NCAM2: variants seen among roughly 807,000 people sequenced by gnomAD.
The protein encoded by NCAM2 is N-CAM-2.
Under a neutral mutation model 98.1 loss-of-function variants are expected in NCAM2, and 30 were observed. The observed-to-expected ratio is 0.31, with a 90% confidence interval of 0.23 to 0.41. The LOEUF (loss-of-function observed/expected upper bound fraction) is 0.41, where lower values mean the gene tolerates loss of function less well. NCAM2 is among the 10% of genes least tolerant of loss of function. NCAM2 has a pLI of 1.00. For missense variants in NCAM2, 867 were observed against 1,005.8 expected (o/e 0.86, Z 1.87); for synonymous variants, 368 against 342.4 (o/e 1.07, Z -0.83).
At chr21:21,090,909 T>C (rs1252599452) in intron 1 of NCAM2, among the ~76,000 whole-genome samples, 2 of 152,188 alleles carry the variant, frequency 1.3e-5, no homozygotes, top group Non-Finnish European at 2.9e-5. Context: ...AAACCATAAA[T>C]CAATAGACCA....
chr21:21,033,709 C>A (rs1409035497), intron 1 of NCAM2, among the ~76,000 whole-genome samples: 1 of 152,092 alleles, frequency 6.6e-6, no homozygotes, highest in Non-Finnish European at 1.5e-5. Context: ...CTCAGAGCTG[C>A]CCTCAGAAAG....
At chr21:21,272,568 C>T (rs1423279109) in intron 1 of NCAM2, among the ~76,000 whole-genome samples, 2 of 151,394 alleles carry the variant, frequency 1.3e-5, no homozygotes, top group African/African-American at 4.9e-5. Flanking sequence ...CAATACCTGA[C>T]CTGACTCAAT....
chr21:21,490,985 A>G (rs1304026953), intron 15 of NCAM2, among the ~76,000 whole-genome samples: 5 of 151,816 alleles, frequency 3.3e-5, no homozygotes, highest in African/African-American at 4.8e-5. Flanking sequence ...AAGCTTTGTT[A>G]TACGTGTTTT....
intron 1 of NCAM2, among the ~76,000 whole-genome samples, chr21:21,196,340 A>G (rs1489844458): frequency 6.6e-6 from 1 of 152,202 alleles, no homozygotes; most frequent in Non-Finnish European, 1.5e-5. Flanking sequence ...CCAACACAAG[A>G]TAACTCTGGT....
chr21:21,265,326 TATATA>T (rs2072196113), intron 1 of NCAM2, among the ~76,000 whole-genome samples: 2 of 130,492 alleles, frequency 1.5e-5, no homozygotes, highest in Non-Finnish European at 3.2e-5. Flanking sequence ...TATATACACA[TATATA>T]ATATATATGT....
chr21:21,411,466 G>A (rs998598922), intron 10 of NCAM2, among the ~76,000 whole-genome samples: 9 of 151,332 alleles, frequency 5.9e-5, no homozygotes, highest in Admixed American at 4.6e-4. Flanking sequence ...ATAAGATTTT[G>A]TATAATTATT....
chr21:21,040,876 T>C (rs1244455970), intron 1 of NCAM2, among the ~76,000 whole-genome samples: 1 of 152,108 alleles, frequency 6.6e-6, no homozygotes, highest in African/African-American at 2.4e-5. Context: ...GTGACTCTAG[T>C]TAACAAGAAT....
intron 3 of NCAM2, 118 bp downstream of exon 3, chr21:21,284,518 GTTTA>G (rs1402921042): frequency 2.7e-6 from 2 of 746,718 alleles, no homozygotes; most frequent in African/African-American, 1.8e-5. Context: ...ATAAATATCA[GTTTA>G]TTTATGCTTT....
intron 8 of NCAM2, among the ~76,000 whole-genome samples, chr21:21,343,536 T>A (rs2075106293): frequency 6.6e-6 from 1 of 152,152 alleles, no homozygotes; most frequent in East Asian, 1.9e-4. Flanking sequence ...CTCAGCAGCC[T>A]TGACATGGTG....
chr21:21,537,741 G>T, intron 17 of NCAM2, 105 bp from the exon 18 acceptor site: 2 of 510,230 alleles, frequency 3.9e-6, no homozygotes, highest in Non-Finnish European at 3.5e-6. Flanking sequence ...TAAAATGTTA[G>T]CATATTATTG....
chr21:21,407,835 G>C (rs2076773614), intron 9 of NCAM2, among the ~76,000 whole-genome samples: 1 of 152,234 alleles, frequency 6.6e-6, no homozygotes, highest in Non-Finnish European at 1.5e-5. Context: ...CTTAAGGGTT[G>C]TAAATAAAGA....
chr21:21,484,808 CA>C (rs1325553279), intron 15 of NCAM2, among the ~76,000 whole-genome samples: 2 of 152,148 alleles, frequency 1.3e-5, no homozygotes, highest in African/African-American at 4.8e-5. Context: ...GCTACCAGTT[CA>C]CTGCATAACA....
chr21:21,195,602 A>G (rs1051459734), intron 1 of NCAM2, among the ~76,000 whole-genome samples: 2 of 152,220 alleles, frequency 1.3e-5, no homozygotes, highest in African/African-American at 4.8e-5. Flanking sequence ...AGGTTTTTAT[A>G]TGATAAGTAA....
chr21:21,227,930 C>T (rs371864388), intron 1 of NCAM2, among the ~76,000 whole-genome samples: 2 of 151,706 alleles, frequency 1.3e-5, no homozygotes, highest in East Asian at 1.9e-4. Context: ...ATAAATAATA[C>T]AACTAATGAC....
At chr21:21,039,325 A>G (rs1427601740) in intron 1 of NCAM2, among the ~76,000 whole-genome samples, 1 of 152,180 alleles carries the variant, frequency 6.6e-6, no homozygotes, top group Non-Finnish European at 1.5e-5. Context: ...TCCCTCGAAA[A>G]AGATATCCCT....
intron 1 of NCAM2, among the ~76,000 whole-genome samples, chr21:21,171,333 A>C (rs2068117223): frequency 6.6e-6 from 1 of 152,222 alleles, no homozygotes; most frequent in Non-Finnish European, 1.5e-5. Flanking sequence ...ATGAACACTC[A>C]TGTTTGCTAG....
intron 1 of NCAM2, among the ~76,000 whole-genome samples, chr21:21,114,855 T>C (rs1360501623): frequency 5.3e-5 from 8 of 151,866 alleles, no homozygotes; most frequent in Non-Finnish European, 7.4e-5. Context: ...AGTTTCGCTC[T>C]TGTCGCCCAG....
At position 21,418,502 on chromosome 21, in the gene NCAM2, A is replaced by G; in HGVS notation, c.1413A>G (p.Gly471=). Residue 471 remains glycine, a synonymous_variant, in exon 11 of 18, where the codon GGA becomes GGG. Transcript: ENST00000400546. ...CACCTACATCTGACAATGACTTTGG[A>G]CGCTATAATTGCACAGCCACTAATC... ...EIAPTSDNDF[G]RYNCTATNHI... 1 of 1,611,752 alleles carries G rather than the reference A, an allele frequency of 6.2e-7. No homozygotes were observed. The highest frequency in any genetic ancestry group is 8.5e-7 in the Non-Finnish European group (1 of 1,178,136).
chr21:21,287,227 A>G (rs34822586), intron 4 of NCAM2, among the ~76,000 whole-genome samples: 22,501 of 151,954 alleles, frequency 0.15, 2,142 homozygotes, highest in Middle Eastern at 0.25. Context: ...AGTAGTTTCC[A>G]TCTTCGATGA....
Sources: gnomAD v4.1 joint callset for allele counts (sites outside exome capture counted in the v4.1 genomes callset) on GRCh38, gnomAD v4.1.1 for gene constraint, MANE v1.5 for transcripts, NCBI Gene and HGNC (gene_info 2026-07-23, HGNC 2026-07-21) for gene names.